The following CCSER2 variants were observed in gnomAD, a reference collection of about 807,000 sequenced individuals.
CCSER2 encodes the protein serine-rich coiled-coil domain-containing protein 2.
A neutral mutation model predicts 92.3 loss-of-function variants in CCSER2; 46 were observed. That is an observed-to-expected ratio of 0.50 (90% CI 0.39 to 0.64). The LOEUF (loss-of-function observed/expected upper bound fraction) is 0.64, where lower values mean the gene tolerates loss of function less well. Ranked by LOEUF, CCSER2 falls within the 30% of genes least tolerant of loss-of-function variation. The pLI is 0.00. For synonymous variants in CCSER2, 433 were observed against 431.4 expected, an observed-to-expected ratio of 1.00 and a Z score of -0.04; for missense variants, 1,244 against 1,238.9, an observed-to-expected ratio of 1.00 and a Z score of -0.06.
intron 1 of CCSER2, among the ~76,000 whole-genome samples, chr10:84,358,710 A>T (rs1416440915): frequency 1.3e-5 from 2 of 150,504 alleles, no homozygotes; most frequent in Non-Finnish European, 3.0e-5. Context: ...GTATATATAT[A>T]TTTATTAATT....
chr10:84,496,855 TTCTC>T (rs1848481858), intron 9 of CCSER2, among the ~76,000 whole-genome samples: 2 of 152,190 alleles, frequency 1.3e-5, no homozygotes, highest in African/African-American at 4.8e-5. Flanking sequence ...GTCTCACTTT[TTCTC>T]TCTACCTTTC....
At chr10:84,430,859 C>G (rs1411331480) in intron 5 of CCSER2, among the ~76,000 whole-genome samples, 1 of 152,166 alleles carries the variant, frequency 6.6e-6, no homozygotes, top group Non-Finnish European at 1.5e-5. Flanking sequence ...TGCCAGTGTT[C>G]TTAGTGCTTT....
chr10:84,508,043 A>G (rs187790285), intron 9 of CCSER2, among the ~76,000 whole-genome samples: 139 of 152,378 alleles, frequency 9.1e-4, no homozygotes, highest in Non-Finnish European at 1.7e-3. Flanking sequence ...AAAGCCTGTG[A>G]ACTCATCAGA....
intron 9 of CCSER2, among the ~76,000 whole-genome samples, chr10:84,502,573 G>A (rs905954940): frequency 1.3e-5 from 2 of 152,038 alleles, no homozygotes; most frequent in South Asian, 2.1e-4. Flanking sequence ...AGGTTTCACC[G>A]TGTTAGCCAG....
intron 8 of CCSER2, among the ~76,000 whole-genome samples, chr10:84,477,372 T>C (rs1429342697): frequency 6.6e-6 from 1 of 152,184 alleles, no homozygotes; most frequent in Non-Finnish European, 1.5e-5. Context: ...TATTTTGCCA[T>C]GTGTGACTTT....
At chr10:84,419,542 A>G (rs1484952351) in intron 4 of CCSER2, among the ~76,000 whole-genome samples, 3 of 152,150 alleles carry the variant, frequency 2.0e-5, no homozygotes, top group African/African-American at 7.2e-5. Context: ...CACATGATAG[A>G]GGACATTGCA....
rs1849497301 is a variant in CCSER2, at chr10:84,513,879, C to T, written c.2756C>T (p.Ser919Phe). The change falls in exon 10 of 10, where the codon TCC becomes TTC. Residue 919 changes from serine to phenylalanine, a missense_variant. Coordinates refer to ENST00000372088, the MANE Select transcript of CCSER2 (RefSeq NM_001284240.2). Reference protein sequence around the residue: ...PPVGYMSQPKSLQLLKPSILS... With the variant: ...PPVGYMSQPKFLQLLKPSILS... Reference sequence around the variant, plus strand: ...GTGGGTTATATGTCTCAGCCCAAGTCCTTGCAGCTTTTAAAGCCATCCATA... The same window carrying T: ...GTGGGTTATATGTCTCAGCCCAAGTTCTTGCAGCTTTTAAAGCCATCCATA... The T allele has an allele frequency of 5.2e-6, 8 of 1,536,262 alleles. No individual in the cohort carries two copies. Among genetic ancestry groups the T allele is most frequent in the South Asian group, 1.2e-5 (1 of 84,064 alleles).
chr10:84,411,649 C>T (rs1245535727), intron 3 of CCSER2, among the ~76,000 whole-genome samples: 1 of 152,162 alleles, frequency 6.6e-6, no homozygotes, highest in East Asian at 1.9e-4. Flanking sequence ...CATTTTTGCA[C>T]ACTGATTTTG....
intron 3 of CCSER2, among the ~76,000 whole-genome samples, chr10:84,379,604 C>G (rs968236142): frequency 7.5e-5 from 3 of 40,132 alleles, no homozygotes; most frequent in East Asian, 1.1e-3. Context: ...GTAAATATAG[C>G]AGTTAGTTCT....
At chr10:84,446,881 T>G (rs972409094) in intron 6 of CCSER2, among the ~76,000 whole-genome samples, 1 of 152,122 alleles carries the variant, frequency 6.6e-6, no homozygotes, top group Non-Finnish European at 1.5e-5. Flanking sequence ...TATTCCTCTA[T>G]GGCTTCTTTC....
intron 1 of CCSER2, among the ~76,000 whole-genome samples, chr10:84,335,226 CTCTT>C (rs1292192578): frequency 7.3e-4 from 69 of 95,056 alleles, no homozygotes; most frequent in African/African-American, 2.2e-3. Context: ...TTCTCTCTCT[CTCTT>C]TTTTTTTTTT....
At chr10:84,480,577 T>C (rs1391724873) in intron 9 of CCSER2, among the ~76,000 whole-genome samples, 1 of 152,210 alleles carries the variant, frequency 6.6e-6, no homozygotes, top group African/African-American at 2.4e-5. Flanking sequence ...GGCCAAAATA[T>C]GTACGTTTAA....
intron 4 of CCSER2, 55 bp from the exon 5 acceptor site, chr10:84,425,676 C>A: frequency 1.6e-6 from 2 of 1,252,576 alleles, no homozygotes; most frequent in South Asian, 2.1e-5. Flanking sequence ...CTATAAGAGT[C>A]AACTTTTATG....
chr10:84,351,676 T>A (rs918240730), intron 1 of CCSER2, among the ~76,000 whole-genome samples: 8 of 152,168 alleles, frequency 5.3e-5, no homozygotes, highest in Non-Finnish European at 1.0e-4. Context: ...GGCCCAGAAG[T>A]TTTAAAATAT....
chr10:84,391,494 C>G (rs1309240837), intron 3 of CCSER2: 2 of 1,546,232 alleles, frequency 1.3e-6, no homozygotes, highest in African/African-American at 1.4e-5. Flanking sequence ...CCTTGTATAG[C>G]TGATTTCATG....
At position 84,514,990 on chromosome 10, in the gene CCSER2, C is replaced by G. The variant is rs1430986305; in HGVS notation, c.*723C>G. The G allele has an allele frequency of 6.6e-6, 1 of 152,560 alleles. No individual in the cohort carries two copies. The highest frequency in any genetic ancestry group is 1.9e-4 in the East Asian group (1 of 5,184). 9.5% of individuals were successfully genotyped at this position (152,560 alleles called of 1,614,324 possible). A position where few individuals can be genotyped will look rare whatever the true frequency, so the allele number is the denominator to read the frequency against. On this transcript the variant is annotated 3_prime_UTR_variant, in exon 10 of 10. Coordinates refer to ENST00000372088, the MANE Select transcript of CCSER2 (RefSeq NM_001284240.2). ...GCACACACACATATACACACACATA[C>G]CATTTATGTTTGTATTTGTTACTGG...
intron 9 of CCSER2, among the ~76,000 whole-genome samples, chr10:84,488,199 CTCT>C (rs1307235823): frequency 6.6e-6 from 1 of 152,112 alleles, no homozygotes; most frequent in African/African-American, 2.4e-5. Flanking sequence ...GTCTAAAATT[CTCT>C]TTTTTTGTTG....
At chr10:84,362,657 T>C (rs1306623995) in intron 1 of CCSER2, among the ~76,000 whole-genome samples, 1 of 152,154 alleles carries the variant, frequency 6.6e-6, no homozygotes, top group African/African-American at 2.4e-5. Context: ...AAAATGAAGT[T>C]GTAGCTGGAG....
intron 1 of CCSER2, among the ~76,000 whole-genome samples, chr10:84,367,704 TTGC>T (rs1845851300): frequency 6.9e-6 from 1 of 145,144 alleles, no homozygotes; most frequent in Admixed American, 7.4e-5. Context: ...CTTCTTTTCC[TTGC>T]TTTTTTTTTT....
Sources: allele counts gnomAD v4.1 joint callset (sites outside exome capture counted in the v4.1 genomes callset), GRCh38; gene constraint gnomAD v4.1.1; transcripts MANE v1.5; gene names NCBI Gene and HGNC (gene_info 2026-07-23, HGNC 2026-07-21).